Variants in TMCO5A observed in about 807,000 individuals in gnomAD.
TMCO5A encodes the protein transmembrane and coiled-coil domains 5A.
In TMCO5A, 34 loss-of-function variants were observed where a neutral mutation model predicts 42.3. The observed-to-expected ratio is 0.80, with a 90% confidence interval of 0.61 to 1.07. The LOEUF (loss-of-function observed/expected upper bound fraction) is 1.07, where lower values mean the gene tolerates loss of function less well. TMCO5A is among the 50% of genes least tolerant of loss of function. The pLI is 0.00. For missense variants in TMCO5A, 357 were observed against 327.9 expected, an observed-to-expected ratio of 1.09 and a Z score of -0.69; for synonymous variants, 131 against 115.6, an observed-to-expected ratio of 1.13 and a Z score of -0.86.
At chr15:38,031,027 C>A in the TMCO5A span, among the ~76,000 whole-genome samples, 2 of 152,136 alleles carry the variant, frequency 1.3e-5, no homozygotes, top group African/African-American at 4.8e-5. Context: ...ACCTCTGCAT[C>A]CTCACATCCA....
the TMCO5A span, among the ~76,000 whole-genome samples, chr15:38,027,808 G>A: frequency 6.6e-6 from 1 of 152,134 alleles, no homozygotes; most frequent in Admixed American, 6.6e-5. Context: ...CAGATCTGAT[G>A]GTTTTGCAAG....
chr15:37,938,282 A>G, intron 6 of TMCO5A, 53 bp downstream of exon 6: 1 of 1,432,626 alleles, frequency 7.0e-7, no homozygotes, highest in South Asian at 1.3e-5. Flanking sequence ...CCAGGAAACA[A>G]GCTGTTAAGT....
chr15:38,033,559 A>ATTT, the TMCO5A span, among the ~76,000 whole-genome samples: 1,894 of 145,464 alleles, frequency 0.013, 31 homozygotes, highest in African/African-American at 0.045. Flanking sequence ...TTCTCCCTCC[A>ATTT]TTTTTTTTTT....
the TMCO5A span, among the ~76,000 whole-genome samples, chr15:38,011,995 G>C: frequency 1.3e-5 from 2 of 152,052 alleles, no homozygotes; most frequent in African/African-American, 4.8e-5. Context: ...GCAGTGCCGG[G>C]TGCCTGTAGT....
chr15:38,005,988 G>C, the TMCO5A span, among the ~76,000 whole-genome samples: 1 of 152,182 alleles, frequency 6.6e-6, no homozygotes, highest in African/African-American at 2.4e-5. Context: ...TGAGATAGCT[G>C]CACAGAATGA....
downstream of TMCO5A, among the ~76,000 whole-genome samples, chr15:37,969,043 A>G (rs911803867): frequency 2.0e-5 from 3 of 152,178 alleles, no homozygotes; most frequent in African/African-American, 4.8e-5. Flanking sequence ...TGGTTTTGAG[A>G]AGGTGGGAAG....
chr15:38,010,719 G>A, the TMCO5A span, among the ~76,000 whole-genome samples: 2 of 151,986 alleles, frequency 1.3e-5, no homozygotes, highest in African/African-American at 2.4e-5. Context: ...ACAGAAAACC[G>A]GTGTAACGAT....
At chr15:37,986,380 GGTGTGTGTGTGTGTGT>G in the TMCO5A span, among the ~76,000 whole-genome samples, 161 of 139,290 alleles carry the variant, frequency 1.2e-3, 1 homozygote, top group African/African-American at 3.8e-3. Flanking sequence ...GGTAAGGGAT[GGTGTGTGTGTGTGTGT>G]GTGTGTGTGT....
At chr15:37,969,128 A>C (rs893455482), downstream of TMCO5A, among the ~76,000 whole-genome samples, 1 of 152,204 alleles carries the variant, frequency 6.6e-6, no homozygotes, top group Non-Finnish European at 1.5e-5. Context: ...CTCCATGTCT[A>C]CGTCCAATAA....
the TMCO5A span, among the ~76,000 whole-genome samples, chr15:38,038,637 A>T: frequency 6.6e-6 from 1 of 152,070 alleles, no homozygotes; most frequent in Non-Finnish European, 1.5e-5. Context: ...CGATCTCCTG[A>T]CCTCATGATC....
rs1326473633 is a variant in TMCO5A at position 37,951,212 on chromosome 15, C to T, written c.845C>T (p.Thr282Ile). 2 of 1,613,636 alleles carry T rather than the reference C, an allele frequency of 1.2e-6. No individual in the cohort carries two copies. The highest frequency in any genetic ancestry group is 1.7e-6 in the Non-Finnish European group (2 of 1,179,812). ...CFFFPSLTLE[T>I]EDMLPH Reference sequence around the variant, plus strand: ...TTCTTTCCATCTCTCACACTTGAGACAGAGGACATGTTACCCCACTGATTC... The same window carrying T: ...TTCTTTCCATCTCTCACACTTGAGATAGAGGACATGTTACCCCACTGATTC... Residue 282 changes from threonine (T) to isoleucine (I), a missense_variant, in exon 12 of 12, where the codon ACA becomes ATA. Thr to Ile is a moderately conservative substitution (Grantham distance 89). Coordinates refer to ENST00000319669, the MANE Select transcript of TMCO5A (RefSeq NM_152453.4).
At chr15:38,012,518 G>T in the TMCO5A span, among the ~76,000 whole-genome samples, 1 of 151,362 alleles carries the variant, frequency 6.6e-6, no homozygotes, top group African/African-American at 2.5e-5. Context: ...CCCAATAGGA[G>T]TAGTCGTGTG....
the TMCO5A span, among the ~76,000 whole-genome samples, chr15:37,988,164 G>A: frequency 6.6e-6 from 1 of 151,896 alleles, no homozygotes; most frequent in Non-Finnish European, 1.5e-5. Context: ...TTGTTAGTGT[G>A]TAGAAATGCA....
At chr15:37,993,012 A>T in the TMCO5A span, among the ~76,000 whole-genome samples, 264 of 152,316 alleles carry the variant, frequency 1.7e-3, no homozygotes, top group African/African-American at 6.0e-3. Flanking sequence ...AAAAGTTTTT[A>T]AAAAATTAAA....
the TMCO5A span, among the ~76,000 whole-genome samples, chr15:38,038,223 A>T: frequency 9.2e-5 from 14 of 151,866 alleles, no homozygotes; most frequent in African/African-American, 3.1e-4. Context: ...TCCTAGCAAA[A>T]CTCTTCTATG....
At chr15:37,977,565 C>T in the TMCO5A span, among the ~76,000 whole-genome samples, 3 of 152,300 alleles carry the variant, frequency 2.0e-5, no homozygotes, top group East Asian at 1.9e-4. Context: ...TGCTTAGCCA[C>T]GTGGCTCCTC....
At chr15:37,994,301 A>G in the TMCO5A span, among the ~76,000 whole-genome samples, 2 of 152,144 alleles carry the variant, frequency 1.3e-5, no homozygotes, top group Non-Finnish European at 2.9e-5. Flanking sequence ...AAAAAGGACA[A>G]TGCAAGATCC....
chr15:38,009,996 G>T, the TMCO5A span, among the ~76,000 whole-genome samples: 2 of 152,154 alleles, frequency 1.3e-5, no homozygotes, highest in Non-Finnish European at 2.9e-5. Context: ...CTGCAGATGT[G>T]ATGAAGGTAA....
At chr15:38,008,879 G>T in the TMCO5A span, among the ~76,000 whole-genome samples, 1 of 152,162 alleles carries the variant, frequency 6.6e-6, no homozygotes. Flanking sequence ...TCACATTGAG[G>T]AAGGGATTGC....
Sources: gnomAD v4.1 joint callset for allele counts (sites outside exome capture counted in the v4.1 genomes callset) on GRCh38, gnomAD v4.1.1 for gene constraint, MANE v1.5 for transcripts, NCBI Gene and HGNC (gene_info 2026-07-23, HGNC 2026-07-21) for gene names.